PCDHGA2: variants seen among roughly 807,000 people sequenced by gnomAD.
PCDHGA2 encodes the protein protocadherin gamma subfamily A, 2.
In PCDHGA2, 40 loss-of-function variants were observed where a neutral mutation model predicts 59.2. The observed-to-expected ratio is 0.68, with a 90% CI of 0.52 to 0.88. The LOEUF (loss-of-function observed/expected upper bound fraction) is 0.88, where lower values mean the gene tolerates loss of function less well. Among genes scored for constraint, PCDHGA2 ranks in the 40% least tolerant of loss-of-function variants. The pLI is 0.00. For missense variants in PCDHGA2, 1,226 were observed against 1,204.0 expected, an observed-to-expected ratio of 1.02 and a Z score of -0.27; for synonymous variants, 560 against 526.0, an observed-to-expected ratio of 1.06 and a Z score of -0.89.
rs377061064 is a variant in PCDHGA2, at chr5:141,505,429, C to A, written c.2520C>A (p.Asn840Lys). 1.2e-6 allele frequency: 2 copies of A among 1,614,116 alleles called. No homozygotes were observed. Among genetic ancestry groups the A allele is most frequent in the African/African-American group, 1.3e-5 (1 of 74,938 alleles). Residue 840 changes from asparagine (N) to lysine (K), a missense_variant, in exon 3 of 4, where the codon AAC becomes AAA. Asn to Lys is a moderately conservative substitution (Grantham distance 94, BLOSUM62 0). Coordinates refer to ENST00000394576, the MANE Select transcript of PCDHGA2 (RefSeq NM_018915.4). ...QNGDDTGTWP[N>K]NQFDTEMLQA... ...GCGATGACACCGGCACCTGGCCCAA[C>A]AACCAGTTTGACACAGAGATGCTGC...
intron 1 of PCDHGA2, chr5:141,361,032 A>G: frequency 6.2e-7 from 1 of 1,613,436 alleles, no homozygotes. Flanking sequence ...AAAAAACAGG[A>G]GAAATCACGA....
chr5:141,375,956 G>C, intron 1 of PCDHGA2: 1 of 1,613,506 alleles, frequency 6.2e-7, no homozygotes, highest in Non-Finnish European at 8.5e-7. Context: ...GCACACGGGC[G>C]AGGTGCGCAC....
chr5:141,340,755 A>T lies in PCDHGA2; in HGVS notation c.1784A>T (p.Asp595Val), dbSNP rs1756981122. 2.5e-6 allele frequency: 4 copies of T among 1,613,308 alleles called. No homozygotes were observed. Among genetic ancestry groups the T allele is most frequent in the Non-Finnish European group, 2.5e-6 (3 of 1,179,960 alleles). The change falls in exon 1 of 4, where the codon GAC becomes GTC. Residue 595 changes from aspartate (D) to valine (V), a missense_variant. By Grantham distance (152) the Asp-to-Val change is radical. Coordinates refer to ENST00000394576, the MANE Select transcript of PCDHGA2 (RefSeq NM_018915.4). ...GYLVTKVVAV[D>V]RDSGQNAWLS... ...CTGGTGACCAAGGTGGTGGCGGTGG[A>T]CAGAGACTCGGGCCAGAACGCCTGG...
chr5:141,422,876 G>A (rs2096681830), intron 1 of PCDHGA2: 1 of 1,614,248 alleles, frequency 6.2e-7, no homozygotes, highest in Non-Finnish European at 8.5e-7. Context: ...GTGTCGCTGA[G>A]CCTGTTCGTG....
intron 1 of PCDHGA2, chr5:141,433,226 C>G (rs1433770157): frequency 6.6e-7 from 1 of 1,514,890 alleles, no homozygotes; most frequent in Non-Finnish European, 9.0e-7. Context: ...TTTTTAATTG[C>G]TCTGTCTCCC....
rs751276470 is a variant in PCDHGA2, at chr5:141,431,560, C to A, written c.2425-63247C>A. 6.2e-7 allele frequency: 1 copy of A among 1,614,104 alleles called. No individual in the cohort carries two copies. On this transcript the variant is annotated intron_variant, in intron 1 of 3. Coordinates refer to ENST00000394576, the MANE Select transcript of PCDHGA2 (RefSeq NM_018915.4). This position sits in a 1 kb window ranked among gnomAD's most constrained non-coding sequence, Gnocchi z 4.8. ...CGCAGCTGCTTGTAGTCAACGCTAC[C>A]GACCCTGACGAAGGAGTCAATGCGG...
At chr5:141,456,224 A>ACT (rs1167290500) in intron 1 of PCDHGA2, among the ~76,000 whole-genome samples, 1 of 152,034 alleles carries the variant, frequency 6.6e-6, no homozygotes, top group Non-Finnish European at 1.5e-5. Context: ...GCGATATCAA[A>ACT]CTAACTGCTG....
chr5:141,389,152 C>T (rs1176301501), intron 1 of PCDHGA2: 2 of 1,614,022 alleles, frequency 1.2e-6, no homozygotes, highest in South Asian at 2.2e-5. Flanking sequence ...GTTACGGCAA[C>T]AGATCGGGGC....
chr5:141,341,000 A>G lies in PCDHGA2; in HGVS notation c.2029A>G (p.Ser677Gly), dbSNP rs772183992. The G allele has an allele frequency of 2.5e-6, 4 of 1,613,964 alleles. No individual in the cohort carries two copies. In the Admixed American group the frequency reaches 6.7e-5, roughly 27 times the overall value. ...CCCCGACATCCTGGCCGACCTGGGC[A>G]GCCTCGAGCCCTCCGCCATACCCAA... ...RIPDILADLG[S>G]LEPSAIPNDS... is the part of the protein sequence containing the mutation. The change falls in exon 1 of 4, where the codon AGC becomes GGC. Residue 677 changes from serine (S) to glycine (G), a missense_variant. Transcript: ENST00000394576.
chr5:141,444,350 T>C (rs1021358194), intron 1 of PCDHGA2, among the ~76,000 whole-genome samples: 7 of 151,946 alleles, frequency 4.6e-5, no homozygotes, highest in Admixed American at 2.0e-4. Context: ...TTTGTATTTT[T>C]AGTAGAGACG....
Position 141,489,980 on chromosome 5 carries a change from T to G in PCDHGA2, c.2425-4827T>G, listed in dbSNP as rs2099694325. 1.2e-6 allele frequency: 2 copies of G among 1,614,204 alleles called. No individual in the cohort carries two copies. The highest frequency in any genetic ancestry group is 1.7e-6 in the Non-Finnish European group (2 of 1,180,012). On this transcript the variant is annotated intron_variant, in intron 1 of 3. Transcript: ENST00000394576. This position sits in a 1 kb window ranked among gnomAD's most constrained non-coding sequence, Gnocchi z 4.5. ...GCTCCAACCTTCCAATCCTCAGTTC[T>G]ACGTGTGGGAATCCCAGAGAATGCA...
chr5:141,490,589 A>G lies in PCDHGA2; in HGVS notation c.2425-4218A>G, dbSNP rs761250654. On this transcript the variant is annotated intron_variant, in intron 1 of 3. Transcript: ENST00000394576. The surrounding 1 kb of genome is among the most constrained non-coding windows in gnomAD (Gnocchi z 5.4). ...CTCAACATTTCAGATGTCAATGACA[A>G]TGCACCCCGCTTCAACCAGCAGCTT... The G allele has an allele frequency of 5.7e-5, 92 of 1,614,042 alleles. No individual in the cohort carries two copies. Among genetic ancestry groups the G allele is most frequent in the Non-Finnish European group, 7.6e-5 (90 of 1,180,036 alleles).
chr5:141,395,254 G>T, intron 1 of PCDHGA2: 1 of 1,556,766 alleles, frequency 6.4e-7, no homozygotes, highest in Non-Finnish European at 8.7e-7. Context: ...TTAGTTCTTT[G>T]CTTGCTTTTA....
At chr5:141,375,418 C>G in intron 1 of PCDHGA2, 1 of 1,613,972 alleles carries the variant, frequency 6.2e-7, no homozygotes, top group Non-Finnish European at 8.5e-7. Context: ...TGGCAGACAC[C>G]AACGACAACC....
intron 1 of PCDHGA2, among the ~76,000 whole-genome samples, chr5:141,479,060 T>G (rs980468382): frequency 5.9e-5 from 9 of 152,248 alleles, no homozygotes; most frequent in Non-Finnish European, 1.3e-4. Context: ...CAGATAATTT[T>G]TTATGAATGA....
intron 1 of PCDHGA2, among the ~76,000 whole-genome samples, chr5:141,480,704 G>A (rs545986902): frequency 8.5e-5 from 13 of 152,206 alleles, no homozygotes; most frequent in East Asian, 5.8e-4. Flanking sequence ...GCCACACCCC[G>A]ACAAATGAAA....
chr5:141,488,565 C>A (rs1308485284), intron 1 of PCDHGA2, among the ~76,000 whole-genome samples: 1 of 152,174 alleles, frequency 6.6e-6, no homozygotes, highest in Non-Finnish European at 1.5e-5. Flanking sequence ...GAGATTTCCG[C>A]AAAGCATTGC....
chr5:141,372,442 A>T, intron 1 of PCDHGA2: 1 of 1,613,914 alleles, frequency 6.2e-7, no homozygotes, highest in South Asian at 1.1e-5. Flanking sequence ...ACTCCCTCTG[A>T]CCCTCAGGCG....
At chr5:141,408,775 C>T (rs780901987) in intron 1 of PCDHGA2, 7 of 1,611,568 alleles carry the variant, frequency 4.3e-6, no homozygotes, top group Non-Finnish European at 5.9e-6. Context: ...GTGGCAAATA[C>T]CCAGAGTTAT....
Sources: allele counts gnomAD v4.1 joint callset (sites outside exome capture counted in the v4.1 genomes callset), GRCh38; gene constraint gnomAD v4.1.1; non-coding constraint Gnocchi (gnomAD v3.1); transcripts MANE v1.5; gene names NCBI Gene and HGNC (gene_info 2026-07-23, HGNC 2026-07-21).